GALNT3: variants seen among roughly 807,000 people sequenced by gnomAD.
GALNT3 encodes GalNAc transferase 3.
Under a neutral mutation model 69.8 loss-of-function variants are expected in GALNT3, and 51 were observed. The observed-to-expected ratio is 0.73, with a 90% CI of 0.58 to 0.92. The LOEUF (loss-of-function observed/expected upper bound fraction) is 0.92, where lower values mean the gene tolerates loss of function less well. Ranked by LOEUF, GALNT3 falls within the 40% of genes least tolerant of loss-of-function variation. The pLI is 0.00. For synonymous variants in GALNT3, 265 were observed against 248.5 expected, an observed-to-expected ratio of 1.07 and a Z score of -0.63; for missense variants, 711 against 760.0, an observed-to-expected ratio of 0.94 and a Z score of 0.76.
chr2:165,762,663 CA>C (rs1246431417), intron 3 of GALNT3, among the ~76,000 whole-genome samples: 2 of 152,100 alleles, frequency 1.3e-5, no homozygotes, highest in African/African-American at 4.8e-5. Flanking sequence ...AAATATGAAA[CA>C]GGCAAATTTT....
At chr2:165,792,270 C>T (rs1683370015) in intron 1 of GALNT3, among the ~76,000 whole-genome samples, 1 of 152,162 alleles carries the variant, frequency 6.6e-6, no homozygotes, top group Non-Finnish European at 1.5e-5. Context: ...TACACTGTTA[C>T]TCTAGCTAAT....
In GALNT3 at chr2:165,757,129, A is replaced by G; in HGVS notation, c.1310T>C (p.Val437Ala). 1 of 1,614,104 alleles carries G rather than the reference A, an allele frequency of 6.2e-7. No homozygotes were observed. Residue 437 changes from valine (V) to alanine (A), a missense_variant, in exon 7 of 11, where the codon GTT becomes GCT. By Grantham distance (64) the Val-to-Ala change is moderately conservative. Transcript: ENST00000392701. Reference sequence around the variant, plus strand: ...ATCCATCCAGACTTCTGCAAGGCGAACTTGGTTTCTAGCAATCACCTGAGT... The same window carrying G: ...ATCCATCCAGACTTCTGCAAGGCGAGCTTGGTTTCTAGCAATCACCTGAGT... The part of the protein sequence containing the change: ...KGTQVIARNQ[V>A]RLAEVWMDEY...
intron 3 of GALNT3, among the ~76,000 whole-genome samples, chr2:165,762,298 T>TGCA (rs1474833405): frequency 1.1e-3 from 166 of 152,280 alleles, no homozygotes; most frequent in Admixed American, 3.5e-3. Context: ...ACACTTCCTA[T>TGCA]CAATAAATAT....
intron 7 of GALNT3, among the ~76,000 whole-genome samples, chr2:165,755,599 C>T (rs969313435): frequency 1.3e-5 from 2 of 152,132 alleles, no homozygotes; most frequent in African/African-American, 2.4e-5. Flanking sequence ...CCCAACTGAA[C>T]CTTTAGTAGA....
rs145460663 is a variant in GALNT3 at position 165,761,400 on chromosome 2, C to T, written c.838+505G>A. Reference sequence around the variant, plus strand: ...CTAATTTTTGTATTTTTAGTAGAGACAGGGTTTCACCTTGTTGGCCAGGCT... The same window carrying T: ...CTAATTTTTGTATTTTTAGTAGAGATAGGGTTTCACCTTGTTGGCCAGGCT... On this transcript the variant is annotated intron_variant, in intron 4 of 10. Coordinates refer to ENST00000392701, the MANE Select transcript of GALNT3 (RefSeq NM_004482.4). Among the ~76,000 whole-genome samples, 799 of 152,078 alleles carry T rather than the reference C, an allele frequency of 5.3e-3. 6 individuals carry two copies. The highest frequency in any genetic ancestry group is 0.019 in the African/African-American group (776 of 41,486).
At chr2:165,760,144 T>C (rs139466990) in intron 4 of GALNT3, among the ~76,000 whole-genome samples, 419 of 152,340 alleles carry the variant, frequency 2.8e-3, no homozygotes, top group African/African-American at 9.9e-3. Context: ...AAGGTAGCTT[T>C]TTGCTGTTCC....
intron 9 of GALNT3, among the ~76,000 whole-genome samples, chr2:165,752,456 G>A (rs1051989987): frequency 1.3e-5 from 2 of 151,902 alleles, no homozygotes; most frequent in Admixed American, 6.6e-5. Flanking sequence ...TTTTTACTAC[G>A]GTAACAGTCA....
chr2:165,765,613 C>T lies in GALNT3; in HGVS notation c.516-557G>A, dbSNP rs1217293088. Among the ~76,000 whole-genome samples the T allele has an allele frequency of 3.3e-5, 5 of 151,996 alleles. No individual in the cohort carries two copies. The East Asian group carries it at 7.8e-4, about 24-fold the overall frequency. ...CACGCATTTCTCCTGCCTCAGCTCC[C>T]GAGTAGCTGGGACTACAGGCGCCCA... On this transcript the variant is annotated intron_variant, in intron 2 of 10. Coordinates refer to ENST00000392701, the MANE Select transcript of GALNT3 (RefSeq NM_004482.4).
chr2:165,781,209 A>G (rs533520755), intron 1 of GALNT3, among the ~76,000 whole-genome samples: 1 of 152,286 alleles, frequency 6.6e-6, no homozygotes, highest in Non-Finnish European at 1.5e-5. Context: ...GCCTTCTTCT[A>G]CTTTGATCAT....
intron 1 of GALNT3, among the ~76,000 whole-genome samples, chr2:165,781,927 T>C (rs1683118983): frequency 6.6e-6 from 1 of 152,158 alleles, no homozygotes; most frequent in Admixed American, 6.5e-5. Context: ...GAAAAAGATA[T>C]TAACTAAGTC....
intron 1 of GALNT3, among the ~76,000 whole-genome samples, chr2:165,779,099 T>C (rs761013976): frequency 6.6e-5 from 10 of 152,186 alleles, no homozygotes; most frequent in Admixed American, 5.9e-4. Flanking sequence ...AGCTGTGTTC[T>C]GCAGATACCT....
chr2:165,760,488 G>C (rs1230587039), intron 4 of GALNT3, among the ~76,000 whole-genome samples: 3 of 152,190 alleles, frequency 2.0e-5, no homozygotes, highest in Admixed American at 2.0e-4. Flanking sequence ...TGGTCCGGGA[G>C]GACCGTCAGA....
chr2:165,751,713 T>G (rs1356633775), intron 9 of GALNT3, among the ~76,000 whole-genome samples: 1 of 152,166 alleles, frequency 6.6e-6, no homozygotes, highest in Non-Finnish European at 1.5e-5. Flanking sequence ...TGCATTACAC[T>G]AGTAATATTG....
Position 165,767,969 on chromosome 2 carries a change from G to A in GALNT3, c.515+2217C>T, listed in dbSNP as rs559519582. On this transcript the variant is annotated intron_variant, in intron 2 of 10. Coordinates refer to ENST00000392701, the MANE Select transcript of GALNT3 (RefSeq NM_004482.4). ...GCTCACTGCAACCTCCGCTTCCCGG[G>A]TTCAAGTGATTCTCCTGCCTCAGCC... Among the ~76,000 whole-genome samples the A allele has an allele frequency of 1.3e-3, 190 of 147,780 alleles. No individual in the cohort carries two copies. The Middle Eastern group carries it at 0.036, about 28-fold the overall frequency.
chr2:165,759,342 G>C lies in GALNT3; in HGVS notation c.1067C>G (p.Pro356Arg). Reference sequence around the variant, plus strand: ...CTGAGAGCAATCATCTTACTTAATTGGGTAGGTTTCATCTTTCCTTCTTTG... The same window carrying C: ...CTGAGAGCAATCATCTTACTTAATTCGGTAGGTTTCATCTTTCCTTCTTTG... ...EKQRRKDETY[P>R]IKTPTFAGGL... The change falls in exon 5 of 11, where the codon CCA becomes CGA. Residue 356 changes from proline to arginine, a missense_variant. Transcript: ENST00000392701. The C allele has an allele frequency of 6.2e-7, 1 of 1,611,148 alleles. No individual in the cohort carries two copies. The highest frequency in any genetic ancestry group is 8.5e-7 in the Non-Finnish European group (1 of 1,177,736).
rs960247244 is a variant in GALNT3, at chr2:165,761,117, A to T, written c.838+788T>A. 2.7e-4 allele frequency among the ~76,000 whole-genome samples: 7 copies of T among 25,726 alleles called. No homozygotes were observed. In the East Asian group the frequency reaches 7.2e-3, roughly 27 times the overall value. The allele number at this position is 25,726 out of a possible 152,430, so 16.9% of individuals were successfully genotyped here. A position where few individuals can be genotyped will look rare whatever the true frequency, so the allele number is the denominator to read the frequency against. ...TTTATGCCAAGGAGTCTGCAAATTT[A>T]AAAAAAAAAACACACACACAAACTA... is the stretch of plus-strand genomic sequence containing the variant. On this transcript the variant is annotated intron_variant, in intron 4 of 10. Transcript: ENST00000392701.
rs537225755 is a variant in GALNT3 at position 165,785,638 on chromosome 2, G to A, written c.-109+8377C>T. Among the ~76,000 whole-genome samples the A allele has an allele frequency of 1.4e-4, 21 of 152,290 alleles. No individual in the cohort carries two copies. The South Asian group carries it at 3.7e-3, about 27-fold the overall frequency. ...TCTTCATTCCATGCACCATTTTCCA[G>A]CAAGCTAGTGGTGGATATGTGTTTC... On this transcript the variant is annotated intron_variant, in intron 1 of 10. Transcript: ENST00000392701.
intron 2 of GALNT3, among the ~76,000 whole-genome samples, chr2:165,767,483 C>T (rs552301995): frequency 9.2e-5 from 14 of 152,060 alleles, no homozygotes; most frequent in Admixed American, 3.3e-4. Context: ...CAAGATTTTC[C>T]GTCAGTTTAA....
In GALNT3 at chr2:165,770,685, G is replaced by A. The variant is rs376963628; in HGVS notation, c.16C>T (p.Arg6Ter). 5.2e-5 allele frequency: 84 copies of A among 1,603,466 alleles called. No individual in the cohort carries two copies. In the African/African-American group the frequency reaches 8.4e-4, roughly 16 times the overall value. The change falls in exon 2 of 11, where the codon CGA (arginine) becomes TGA (stop). Residue 6 changes from arginine (R) to a stop codon, truncating the protein, a stop_gained. Coordinates refer to ENST00000392701, the MANE Select transcript of GALNT3 (RefSeq NM_004482.4). LOFTEE classifies it high-confidence loss of function. ...CTTTTAATGTGTAATTTTACTAGTC[G>A]CTTTAGGTGAGCCATTCTGACATTA... MAHLK[R>*]LVKLHIKRHY...
Sources: allele counts gnomAD v4.1 joint callset (sites outside exome capture counted in the v4.1 genomes callset), GRCh38; gene constraint gnomAD v4.1.1; transcripts MANE v1.5; gene names NCBI Gene and HGNC (gene_info 2026-07-23, HGNC 2026-07-21).